The following KCNH5 variants were observed in gnomAD, a reference collection of about 807,000 sequenced individuals.
KCNH5 encodes the protein voltage-gated delayed rectifier potassium channel KCNH5.
Under a neutral mutation model 96.1 loss-of-function variants are expected in KCNH5, and 46 were observed. That is an observed-to-expected ratio of 0.48 (90% CI 0.38 to 0.61). The LOEUF is 0.61. KCNH5 is among the 20% of genes least tolerant of loss of function. The probability of loss-of-function intolerance (pLI) is 0.00; values close to 1 mark genes in which losing one functional copy is unlikely to be tolerated. For missense variants in KCNH5, 907 were observed against 1,225.8 expected (o/e 0.74, Z 3.88); for synonymous variants, 439 against 449.8 (o/e 0.98, Z 0.30).
chr14:62,804,007 C>A (rs1428224008), intron 8 of KCNH5, among the ~76,000 whole-genome samples: 1 of 152,138 alleles, frequency 6.6e-6, no homozygotes. Flanking sequence ...TTTCCTAAGG[C>A]TTGAAAATGT....
intron 10 of KCNH5, among the ~76,000 whole-genome samples, chr14:62,775,456 A>C (rs1445533207): frequency 2.0e-5 from 3 of 152,226 alleles, no homozygotes; most frequent in African/African-American, 7.2e-5. Flanking sequence ...GGAGAAAAAA[A>C]AATATGAGGA....
At chr14:63,017,474 C>T (rs924747317) in intron 1 of KCNH5, among the ~76,000 whole-genome samples, 4 of 151,804 alleles carry the variant, frequency 2.6e-5, no homozygotes, top group African/African-American at 9.7e-5. Context: ...ATTTAAAAGT[C>T]TTCCTTTAAA....
At chr14:62,862,270 C>A (rs1209039471) in intron 7 of KCNH5, among the ~76,000 whole-genome samples, 1 of 152,154 alleles carries the variant, frequency 6.6e-6, no homozygotes, top group Non-Finnish European at 1.5e-5. Flanking sequence ...GATACAAAGA[C>A]TGAAGTGGCC....
At chr14:62,769,773 G>A (rs985853745) in intron 10 of KCNH5, among the ~76,000 whole-genome samples, 10 of 152,166 alleles carry the variant, frequency 6.6e-5, no homozygotes, top group Non-Finnish European at 1.0e-4. Flanking sequence ...ACAGATTCAC[G>A]TTTCATTCAT....
rs1374769360 is a variant in KCNH5 at position 62,703,514 on chromosome 14, G to A, written c.*3994C>T. On this transcript the variant is annotated 3_prime_UTR_variant, in exon 11 of 11. Transcript: ENST00000322893. ...TCTTTGTTTTCTTATTTATTGGCGGGGAAATGGTACCATTTGGTACACTAG... is the reference window on the plus strand; with the variant it reads ...TCTTTGTTTTCTTATTTATTGGCGGAGAAATGGTACCATTTGGTACACTAG... 6.6e-6 allele frequency: 1 copy of A among 151,736 alleles called. No individual in the cohort carries two copies. The highest frequency in any genetic ancestry group is 1.5e-5 in the Non-Finnish European group (1 of 67,732). The allele number at this position is 151,736 out of a possible 1,614,324, so 9.4% of individuals were successfully genotyped here.
At chr14:62,996,579 C>T (rs2139585602) in intron 4 of KCNH5, among the ~76,000 whole-genome samples, 1 of 152,232 alleles carries the variant, frequency 6.6e-6, no homozygotes, top group East Asian at 1.9e-4. Flanking sequence ...AGAGACTGAG[C>T]CTTACAAAGA....
At chr14:62,846,034 A>G (rs949192658) in intron 8 of KCNH5, among the ~76,000 whole-genome samples, 3 of 152,204 alleles carry the variant, frequency 2.0e-5, no homozygotes, top group African/African-American at 4.8e-5. Context: ...CTACCAATTT[A>G]CACACCTCCC....
intron 7 of KCNH5, among the ~76,000 whole-genome samples, chr14:62,944,034 G>A (rs1045073181): frequency 2.6e-5 from 4 of 152,222 alleles, no homozygotes; most frequent in African/African-American, 9.6e-5. Context: ...AGTGGAATTA[G>A]GGGAAGGCCT....
chr14:62,902,063 G>GC (rs1555362645), intron 7 of KCNH5, among the ~76,000 whole-genome samples: 3 of 150,854 alleles, frequency 2.0e-5, no homozygotes, highest in Non-Finnish European at 4.4e-5. Context: ...ATTTTAATGG[G>GC]TTTTTTTTTC....
intron 8 of KCNH5, among the ~76,000 whole-genome samples, chr14:62,843,410 C>CTTTTT (rs570775868): frequency 6.3e-5 from 7 of 111,966 alleles, no homozygotes; most frequent in South Asian, 2.8e-4. Flanking sequence ...ATTTACATGG[C>CTTTTT]TTTTTTTTTT....
chr14:62,903,016 G>A (rs1005648011), intron 7 of KCNH5, among the ~76,000 whole-genome samples: 2 of 152,172 alleles, frequency 1.3e-5, no homozygotes, highest in African/African-American at 2.4e-5. Context: ...CCACGTCTGC[G>A]ATAATATCTA....
intron 6 of KCNH5, among the ~76,000 whole-genome samples, chr14:62,971,313 C>T (rs1179450108): frequency 6.6e-6 from 1 of 152,018 alleles, no homozygotes; most frequent in African/African-American, 2.4e-5. Flanking sequence ...AAAATGTGCA[C>T]ATGATCTATG....
At chr14:62,919,202 A>G (rs1889334686) in intron 7 of KCNH5, among the ~76,000 whole-genome samples, 1 of 152,142 alleles carries the variant, frequency 6.6e-6, no homozygotes, top group African/African-American at 2.4e-5. Context: ...CCACTAGGTA[A>G]TGAAGCTTCC....
rs142349832 is a variant in KCNH5, at chr14:62,736,636, C to T, written c.2020-28181G>A. ...AACTTGCCTCCTCCCAGAGACATTC[C>T]AACCCCACCGTAAAACTTCTTCCTC... On this transcript the variant is annotated intron_variant, in intron 10 of 10. Coordinates refer to ENST00000322893, the MANE Select transcript of KCNH5 (RefSeq NM_139318.5). Among the ~76,000 whole-genome samples the T allele has an allele frequency of 1.5e-3, 222 of 152,238 alleles. 1 individual carries two copies. The highest frequency in any genetic ancestry group is 4.9e-3 in the African/African-American group (203 of 41,546).
At chr14:62,761,058 C>G (rs1223202985) in intron 10 of KCNH5, among the ~76,000 whole-genome samples, 1 of 152,126 alleles carries the variant, frequency 6.6e-6, no homozygotes. Context: ...AAATGCTCCT[C>G]AAAAGATTAC....
At position 62,950,518 on chromosome 14, in the gene KCNH5, G is replaced by A; in HGVS notation, c.984C>T (p.Leu328=). Residue 328 remains leucine, a synonymous_variant, in exon 7 of 11, where the codon CTC becomes CTT. Transcript: ENST00000322893. ...SLFSSLKVVR[L]LRLGRVARKL... ...TCCTAGCCACACGGCCCAGTCGTAA[G>A]AGACGCACCACTTTTAAAGAACTGA... 1 of 1,602,948 alleles carries A rather than the reference G, an allele frequency of 6.2e-7. No homozygotes were observed.
chr14:62,761,891 C>T (rs1885759231), intron 10 of KCNH5, among the ~76,000 whole-genome samples: 1 of 152,078 alleles, frequency 6.6e-6, no homozygotes, highest in African/African-American at 2.4e-5. Context: ...AGGGAGGATG[C>T]AGACCCTGGG....
chr14:62,730,507 T>C (rs1409280347), intron 10 of KCNH5, among the ~76,000 whole-genome samples: 1 of 152,214 alleles, frequency 6.6e-6, no homozygotes, highest in Non-Finnish European at 1.5e-5. Context: ...ATCAATAACA[T>C]ACTAATCAAT....
chr14:63,042,401 C>G (rs1891841631), intron 1 of KCNH5, among the ~76,000 whole-genome samples: 1 of 151,994 alleles, frequency 6.6e-6, no homozygotes, highest in African/African-American at 2.4e-5. Flanking sequence ...ATATCTATGT[C>G]TATGTTTGGC....
Sources: gnomAD v4.1 joint callset for allele counts (sites outside exome capture counted in the v4.1 genomes callset) on GRCh38, gnomAD v4.1.1 for gene constraint, MANE v1.5 for transcripts, NCBI Gene and HGNC (gene_info 2026-07-23, HGNC 2026-07-21) for gene names.